CHRDL1: variants seen among roughly 807,000 people sequenced by gnomAD.
CHRDL1 encodes chordin-like protein 1.
Under a neutral mutation model 40.9 loss-of-function variants are expected in CHRDL1, and 19 were observed. The observed-to-expected ratio is 0.46, with a 90% CI of 0.32 to 0.68. CHRDL1 has a LOEUF of 0.68. Ranked by LOEUF, CHRDL1 falls within the 30% of genes least tolerant of loss-of-function variation. The pLI, the probability that CHRDL1 is intolerant of heterozygous loss-of-function variation, is 0.03. For missense variants in CHRDL1, 329 were observed against 352.1 expected, an observed-to-expected ratio of 0.93 and a Z score of 0.53; for synonymous variants, 136 against 123.4, an observed-to-expected ratio of 1.10 and a Z score of -0.68.
chrX:110,721,471 T>C lies in CHRDL1; in HGVS notation c.361A>G (p.Thr121Ala). ...AACAGCTCTCCATGTTGGTAAGTTGTCCCATTGTACTCGCAAGACTTGCTG... is the reference window on the plus strand; with the variant it reads ...AACAGCTCTCCATGTTGGTAAGTTGCCCCATTGTACTCGCAAGACTTGCTG... ...VTSKSCEYNG[T>A]TYQHGELFVA... The change falls in exon 5 of 12, where the codon ACA (threonine) becomes GCA (alanine). Residue 121 changes from threonine (T) to alanine (A), a missense_variant. Coordinates refer to ENST00000372042, the MANE Select transcript of CHRDL1 (RefSeq NM_001143981.2). 1 of 1,207,373 alleles carries C rather than the reference T, an allele frequency of 8.3e-7. No homozygotes were observed. Among genetic ancestry groups the C allele is most frequent in the Non-Finnish European group, 1.1e-6 (1 of 891,409 alleles).
intron 4 of CHRDL1, among the ~76,000 whole-genome samples, chrX:110,739,169 A>G (rs1375156441): frequency 8.9e-6 from 1 of 112,228 alleles, no homozygotes. Context: ...GTAAGGGGAA[A>G]ACATTTCAAT....
chrX:110,693,839 C>A (rs1174306618), intron 8 of CHRDL1, among the ~76,000 whole-genome samples: 2 of 111,247 alleles, frequency 1.8e-5, no homozygotes, highest in Non-Finnish European at 3.8e-5. Flanking sequence ...AATGTTGGGT[C>A]CCCTACTAAA....
intron 2 of CHRDL1, among the ~76,000 whole-genome samples, chrX:110,773,237 C>A (rs1215257564): frequency 8.9e-6 from 1 of 112,178 alleles, no homozygotes; most frequent in Non-Finnish European, 1.9e-5. Flanking sequence ...CTTCTAAGCA[C>A]TGCATTTGCT....
chrX:110,763,411 T>A (rs901012126), intron 2 of CHRDL1, among the ~76,000 whole-genome samples: 1 of 110,310 alleles, frequency 9.1e-6, no homozygotes, highest in Non-Finnish European at 1.9e-5. Context: ...TCACTTAGAA[T>A]AATAGTCTCC....
At chrX:110,711,628 C>T in intron 6 of CHRDL1, among the ~76,000 whole-genome samples, 1 of 111,855 alleles carries the variant, frequency 8.9e-6, no homozygotes, top group South Asian at 3.7e-4. Flanking sequence ...TTTGGATTTG[C>T]TGTTATTTTC....
chrX:110,788,721 A>G (rs1200743133), intron 2 of CHRDL1, among the ~76,000 whole-genome samples: 1 of 112,250 alleles, frequency 8.9e-6, no homozygotes, highest in African/African-American at 3.2e-5. Flanking sequence ...CTTTAAAAAG[A>G]GCTTTTCTCC....
chrX:110,709,273 T>C (rs1172045511), intron 6 of CHRDL1, among the ~76,000 whole-genome samples: 5 of 112,380 alleles, frequency 4.4e-5, no homozygotes, highest in African/African-American at 1.3e-4. Flanking sequence ...TCCACTTCTT[T>C]TTCCTCCTTC....
chrX:110,765,273 C>T (rs762856647), intron 2 of CHRDL1, among the ~76,000 whole-genome samples: 2 of 111,840 alleles, frequency 1.8e-5, no homozygotes, highest in Admixed American at 9.5e-5. Flanking sequence ...AGCGGCCCAG[C>T]TGTAAAATTC....
chrX:110,693,578 C>A (rs746843441), intron 8 of CHRDL1, among the ~76,000 whole-genome samples: 1 of 110,405 alleles, frequency 9.1e-6, no homozygotes, highest in Non-Finnish European at 1.9e-5. Context: ...CTGGTTTGAA[C>A]CCCTGGCCTC....
At chrX:110,794,189 G>T (rs964508583) in intron 1 of CHRDL1, among the ~76,000 whole-genome samples, 2 of 111,855 alleles carry the variant, frequency 1.8e-5, no homozygotes, top group Non-Finnish European at 3.8e-5. Flanking sequence ...CATGTGTTGG[G>T]ACTGCAGCAG....
chrX:110,698,786 A>G (rs910673369), intron 7 of CHRDL1, among the ~76,000 whole-genome samples: 1 of 112,754 alleles, frequency 8.9e-6, no homozygotes, highest in African/African-American at 3.2e-5. Flanking sequence ...TAAGGTGGCC[A>G]TAGTGCTTAG....
chrX:110,772,028 T>C (rs1365817303), intron 2 of CHRDL1, among the ~76,000 whole-genome samples: 8 of 110,888 alleles, frequency 7.2e-5, no homozygotes, highest in African/African-American at 2.6e-4. Flanking sequence ...CTCCCAAAAC[T>C]TGAAAATACT....
At chrX:110,767,309 C>G (rs1290244376) in intron 2 of CHRDL1, among the ~76,000 whole-genome samples, 1 of 110,879 alleles carries the variant, frequency 9.0e-6, no homozygotes, top group Non-Finnish European at 1.9e-5. Context: ...CTCACCACTC[C>G]TCTTCAACAA....
rs5943058 is a variant in CHRDL1, at chrX:110,698,858, T to C, written c.609+1796A>G. Among the ~76,000 whole-genome samples, 949 of 112,413 alleles carry C rather than the reference T, an allele frequency of 8.4e-3. 12 individuals carry two copies. The highest frequency in any genetic ancestry group is 0.018 in the Middle Eastern group (4 of 218). On this transcript the variant is annotated intron_variant, in intron 7 of 11. Transcript: ENST00000372042. ...AGGTGACTAAACTCTAAATTTGGTT[T>C]AGAATGACATCTGGTTGACAGCCAC...
intron 2 of CHRDL1, among the ~76,000 whole-genome samples, chrX:110,764,568 G>C (rs1409290175): frequency 8.9e-6 from 1 of 111,732 alleles, no homozygotes; most frequent in Non-Finnish European, 1.9e-5. Context: ...ATGTGGGTTT[G>C]AACAATATGA....
intron 2 of CHRDL1, among the ~76,000 whole-genome samples, chrX:110,774,721 T>G (rs774324380): frequency 9.2e-4 from 103 of 112,057 alleles, no homozygotes; most frequent in Non-Finnish European, 1.7e-3. Context: ...CCTGGATATT[T>G]GTACTAAAAC....
chrX:110,774,121 G>GC (rs1195610884), intron 2 of CHRDL1, among the ~76,000 whole-genome samples: 1 of 111,323 alleles, frequency 9.0e-6, no homozygotes, highest in Non-Finnish European at 1.9e-5. Flanking sequence ...AATATGTAAT[G>GC]CCCCCCATTT....
intron 2 of CHRDL1, among the ~76,000 whole-genome samples, chrX:110,782,787 T>C (rs1488675442): frequency 8.9e-6 from 1 of 112,429 alleles, no homozygotes; most frequent in East Asian, 2.8e-4. Context: ...TAACAGCACT[T>C]TCCTCATTTG....
intron 2 of CHRDL1, among the ~76,000 whole-genome samples, chrX:110,778,859 C>T (rs2089894168): frequency 9.0e-6 from 1 of 111,717 alleles, no homozygotes; most frequent in South Asian, 3.7e-4. Context: ...AAATGTCCAT[C>T]AACAGTAGAC....
Sources: gnomAD v4.1 joint callset for allele counts (sites outside exome capture counted in the v4.1 genomes callset) on GRCh38, gnomAD v4.1.1 for gene constraint, MANE v1.5 for transcripts, NCBI Gene and HGNC (gene_info 2026-07-23, HGNC 2026-07-21) for gene names.